RPS6KC1: variants seen among roughly 807,000 people sequenced by gnomAD.
RPS6KC1 encodes ribosomal protein S6 kinase C1, also known as inactive ribosomal protein S6 kinase delta-1.
A neutral mutation model predicts 103.8 loss-of-function variants in RPS6KC1; 54 were observed. The observed-to-expected ratio is 0.52, with a 90% confidence interval of 0.42 to 0.65. RPS6KC1 has a LOEUF of 0.65. RPS6KC1 is among the 30% of genes least tolerant of loss of function. RPS6KC1 has a pLI of 0.00. For missense variants in RPS6KC1, 1,151 were observed against 1,253.8 expected, an observed-to-expected ratio of 0.92 and a Z score of 1.24; for synonymous variants, 439 against 438.7, an observed-to-expected ratio of 1.00 and a Z score of -0.01.
At chr1:213,095,244 A>T (rs1309250565) in intron 3 of RPS6KC1, among the ~76,000 whole-genome samples, 5 of 152,200 alleles carry the variant, frequency 3.3e-5, no homozygotes, top group African/African-American at 1.2e-4. Context: ...AATCCAGAGA[A>T]TCTTGACCTC....
chr1:213,370,233 CTG>C, the RPS6KC1 span, among the ~76,000 whole-genome samples: 1 of 142,170 alleles, frequency 7.0e-6, no homozygotes, highest in African/African-American at 3.0e-5. Context: ...ACCTGCTTCT[CTG>C]TTATTTTATT....
At chr1:213,170,016 A>C (rs1389873596) in intron 7 of RPS6KC1, among the ~76,000 whole-genome samples, 1 of 152,162 alleles carries the variant, frequency 6.6e-6, no homozygotes, top group Admixed American at 6.5e-5. Flanking sequence ...TCCTGACCTC[A>C]GGTGATCCAC....
chr1:213,419,998 C>T, the RPS6KC1 span, among the ~76,000 whole-genome samples: 4 of 152,252 alleles, frequency 2.6e-5, no homozygotes, highest in South Asian at 2.1e-4. Context: ...TTAGTTGATG[C>T]GGAGAAGAGA....
chr1:213,219,444 AGT>A (rs2093763856), intron 8 of RPS6KC1, among the ~76,000 whole-genome samples: 2 of 152,234 alleles, frequency 1.3e-5, no homozygotes, highest in African/African-American at 4.8e-5. Flanking sequence ...TGTGGAAGTC[AGT>A]GTGGCGATTC....
chr1:213,170,547 G>GT (rs2091391805), intron 7 of RPS6KC1, among the ~76,000 whole-genome samples: 2 of 152,208 alleles, frequency 1.3e-5, no homozygotes, highest in South Asian at 4.1e-4. Flanking sequence ...AGTTACACTG[G>GT]TAAGAGCCAT....
chr1:213,569,063 G>A, the RPS6KC1 span, among the ~76,000 whole-genome samples: 1 of 152,208 alleles, frequency 6.6e-6, no homozygotes, highest in African/African-American at 2.4e-5. Context: ...ACTTCCCACT[G>A]TAGCATTTGG....
the RPS6KC1 span, among the ~76,000 whole-genome samples, chr1:213,584,077 T>C: frequency 1.1e-4 from 16 of 152,124 alleles, no homozygotes; most frequent in Admixed American, 1.0e-3. Flanking sequence ...ATTCTCATGG[T>C]AGTAAATAAG....
In RPS6KC1 at chr1:213,217,439, A is replaced by G. The variant is rs2093696718; in HGVS notation, c.1045-13058A>G. Among the ~76,000 whole-genome samples the G allele has an allele frequency of 6.6e-5, 10 of 152,236 alleles. 1 individual carries two copies. Among genetic ancestry groups the G allele is most frequent in the Admixed American group, 6.5e-4 (10 of 15,284 alleles). ...TGGATTCACAGCCGAATTCTACCAG[A>G]GGTACAAAGATGAGCTGGTACTATT... is the stretch of plus-strand genomic sequence containing the variant. On this transcript the variant is annotated intron_variant, in intron 8 of 14. Transcript: ENST00000366960.
the RPS6KC1 span, among the ~76,000 whole-genome samples, chr1:213,684,908 A>G: frequency 6.6e-6 from 1 of 152,212 alleles, no homozygotes; most frequent in African/African-American, 2.4e-5. Context: ...AATCCCGAAG[A>G]TGTTGCTCAA....
chr1:213,769,517 C>CAGAG, the RPS6KC1 span, among the ~76,000 whole-genome samples: 1,180 of 148,536 alleles, frequency 7.9e-3, 11 homozygotes, highest in African/African-American at 0.02. Context: ...GAGAGATGGA[C>CAGAG]AGAGAGAGAG....
chr1:213,234,014 CTT>C (rs565425301), intron 10 of RPS6KC1, among the ~76,000 whole-genome samples: 60 of 135,010 alleles, frequency 4.4e-4, no homozygotes, highest in Admixed American at 6.0e-4. Flanking sequence ...CTCTCTCTCT[CTT>C]TTTTTTTTTT....
At position 213,129,873 on chromosome 1, in the gene RPS6KC1, C is replaced by T. The variant is rs1029632670; in HGVS notation, c.819C>T (p.Leu273=). The change falls in exon 6 of 15, where the codon CTC becomes CTT. Residue 273 remains leucine (L), a synonymous_variant. Coordinates refer to ENST00000366960, the MANE Select transcript of RPS6KC1 (RefSeq NM_012424.6). ...TTTATAGGAAGGGAGTTGATTTACT[C>T]CTAGAAGGTGTTCAAGGTATGGTTT... ...SDFYRKGVDL[L]LEGVQGESSP... is the part of the protein sequence containing the mutation. 2 of 1,600,650 alleles carry T rather than the reference C, an allele frequency of 1.2e-6. No homozygotes were observed. The highest frequency in any genetic ancestry group is 1.7e-6 in the Non-Finnish European group (2 of 1,176,818).
intron 6 of RPS6KC1, among the ~76,000 whole-genome samples, chr1:213,167,489 C>CACACACACACACACACACACACACAA (rs141541042): frequency 7.9e-6 from 1 of 126,130 alleles, no homozygotes; most frequent in Non-Finnish European, 1.6e-5. Flanking sequence ...CACACACACA[C>CACACACACACACACACACACACACAA]AACAGCTGTT....
At chr1:213,384,500 G>T in the RPS6KC1 span, among the ~76,000 whole-genome samples, 3 of 152,028 alleles carry the variant, frequency 2.0e-5, no homozygotes, top group African/African-American at 4.8e-5. Flanking sequence ...GAGGTGCAGT[G>T]GTCGGAGGCT....
At chr1:213,052,157 C>T (rs2077004538) in intron 1 of RPS6KC1, among the ~76,000 whole-genome samples, 1 of 152,196 alleles carries the variant, frequency 6.6e-6, no homozygotes, top group African/African-American at 2.4e-5. Flanking sequence ...TTAGTACCCA[C>T]TTTATGTTTC....
At chr1:213,451,920 C>T in the RPS6KC1 span, among the ~76,000 whole-genome samples, 6 of 152,160 alleles carry the variant, frequency 3.9e-5, no homozygotes, top group Admixed American at 6.5e-5. Flanking sequence ...GCCTGGGTGG[C>T]GTCAGCTGCT....
At chr1:213,799,201 C>T in the RPS6KC1 span, among the ~76,000 whole-genome samples, 864 of 152,248 alleles carry the variant, frequency 5.7e-3, 7 homozygotes, top group African/African-American at 0.019. Flanking sequence ...TTAAGAAGAC[C>T]TGTGTTCTCT....
the RPS6KC1 span, among the ~76,000 whole-genome samples, chr1:213,299,569 A>AT: frequency 5.1e-3 from 772 of 151,492 alleles, 5 homozygotes; most frequent in African/African-American, 0.018. Flanking sequence ...AAAAAAAAAA[A>AT]AATATGTCGT....
chr1:213,277,977 G>A (rs1367451994), downstream of RPS6KC1, among the ~76,000 whole-genome samples: 1 of 152,186 alleles, frequency 6.6e-6, no homozygotes, highest in Non-Finnish European at 1.5e-5. Context: ...GCCAAGGCGG[G>A]TGAATTGATT....
Sources: gnomAD v4.1 joint callset for allele counts (sites outside exome capture counted in the v4.1 genomes callset) on GRCh38, gnomAD v4.1.1 for gene constraint, MANE v1.5 for transcripts, NCBI Gene and HGNC (gene_info 2026-07-23, HGNC 2026-07-21) for gene names.